Variants in ATP2B1 observed in about 807,000 individuals in gnomAD.
The protein encoded by ATP2B1 is ATPase plasma membrane Ca2+ transporting 1, also known as plasma membrane calcium-transporting ATPase 1.
In ATP2B1, 14 loss-of-function variants were observed where a neutral mutation model predicts 124.2. The observed-to-expected ratio is 0.11, with a 90% CI of 0.07 to 0.18. The LOEUF (loss-of-function observed/expected upper bound fraction) is 0.18, where lower values mean the gene tolerates loss of function less well. ATP2B1 is among the 10% of genes least tolerant of loss of function. ATP2B1 has a pLI of 1.00. For missense variants in ATP2B1, 763 were observed against 1,466.1 expected, an observed-to-expected ratio of 0.52 and a Z score of 7.83; for synonymous variants, 449 against 492.4, an observed-to-expected ratio of 0.91 and a Z score of 1.17.
At chr12:89,611,090 C>T (rs1297603329) in intron 13 of ATP2B1, 103 bp downstream of exon 13, 1 of 1,051,500 alleles carries the variant, frequency 9.5e-7, no homozygotes, top group African/African-American at 1.6e-5. Flanking sequence ...TTATTTCATG[C>T]ATGGTGCCTA....
intron 1 of ATP2B1, among the ~76,000 whole-genome samples, chr12:89,683,641 C>G (rs1192703349): frequency 6.6e-6 from 1 of 152,170 alleles, no homozygotes; most frequent in Non-Finnish European, 1.5e-5. Flanking sequence ...AAGTTCCAGA[C>G]AGTGTAGAGG....
intron 2 of ATP2B1, among the ~76,000 whole-genome samples, 177 bp from the exon 3 acceptor site, chr12:89,642,532 C>A (rs547584477): frequency 6.6e-6 from 1 of 152,274 alleles, no homozygotes; most frequent in East Asian, 1.9e-4. Context: ...TAAAAGAACA[C>A]TTTAAGTAGA....
chr12:89,707,531 C>G (rs1440003661), intron 1 of ATP2B1, among the ~76,000 whole-genome samples: 2 of 152,138 alleles, frequency 1.3e-5, no homozygotes, highest in African/African-American at 2.4e-5. Flanking sequence ...TATTAATAAA[C>G]CAAGAAAAGT....
intron 1 of ATP2B1, among the ~76,000 whole-genome samples, chr12:89,703,097 A>C (rs891273823): frequency 6.6e-6 from 1 of 152,218 alleles, no homozygotes; most frequent in Non-Finnish European, 1.5e-5. Context: ...GGTTCCCAAC[A>C]GTCTTGAGAT....
chr12:89,642,339 A>G lies in ATP2B1; in HGVS notation c.225T>C (p.Pro75=), dbSNP rs778289594. 5.6e-6 allele frequency: 9 copies of G among 1,612,898 alleles called. No homozygotes were observed. Among genetic ancestry groups the G allele is most frequent in the Non-Finnish European group, 7.6e-6 (9 of 1,179,786 alleles). ...TSPNEGLSGN[P]ADLERREAVF... is the part of the protein sequence containing the mutation. ...CTGCTTCTCTTCTTTCTAAATCTGC[A>G]GGGTTTCCACTTAAACCTAATAAAA... is the stretch of plus-strand genomic sequence containing the variant. Residue 75 remains proline (P), a synonymous_variant, in exon 3 of 21, where the codon CCT becomes CCC. Coordinates refer to ENST00000428670, the MANE Select transcript of ATP2B1 (RefSeq NM_001366521.1).
At chr12:89,642,915 AT>A (rs1383053948) in intron 2 of ATP2B1, among the ~76,000 whole-genome samples, 4 of 151,924 alleles carry the variant, frequency 2.6e-5, no homozygotes, top group Non-Finnish European at 5.9e-5. Flanking sequence ...AGAACTGCTT[AT>A]TTCTGATCGT....
chr12:89,598,021 A>C (rs1874993255), intron 20 of ATP2B1, among the ~76,000 whole-genome samples: 2 of 124,916 alleles, frequency 1.6e-5, no homozygotes. Flanking sequence ...TTTCCCCTGA[A>C]ACCACTGCAC....
At chr12:89,694,925 C>T (rs1331501998) in intron 1 of ATP2B1, among the ~76,000 whole-genome samples, 1 of 151,890 alleles carries the variant, frequency 6.6e-6, no homozygotes, top group Non-Finnish European at 1.5e-5. Flanking sequence ...AGCATGGTGG[C>T]ACATGCCTAT....
At chr12:89,667,650 C>G (rs1887471220) in intron 1 of ATP2B1, among the ~76,000 whole-genome samples, 1 of 152,152 alleles carries the variant, frequency 6.6e-6, no homozygotes, top group South Asian at 2.1e-4. Context: ...GCTCTGTCTT[C>G]AAGGAGTTTA....
intron 2 of ATP2B1, among the ~76,000 whole-genome samples, chr12:89,644,407 C>T (rs1055368866): frequency 2.0e-5 from 3 of 151,658 alleles, no homozygotes; most frequent in Non-Finnish European, 4.4e-5. Context: ...GAACATATAG[C>T]TTTAAAGTAA....
At chr12:89,704,320 C>A (rs1398074938) in intron 1 of ATP2B1, among the ~76,000 whole-genome samples, 1 of 152,108 alleles carries the variant, frequency 6.6e-6, no homozygotes, top group Non-Finnish European at 1.5e-5. Context: ...CAGATACGTT[C>A]ACATTCACTC....
chr12:89,658,869 A>T (rs962676894), intron 1 of ATP2B1, among the ~76,000 whole-genome samples: 2 of 152,216 alleles, frequency 1.3e-5, no homozygotes, highest in Non-Finnish European at 2.9e-5. Flanking sequence ...AAGAAAAGGA[A>T]GCCCAGACAA....
chr12:89,674,656 G>A (rs1888402776), intron 1 of ATP2B1, among the ~76,000 whole-genome samples: 1 of 152,276 alleles, frequency 6.6e-6, no homozygotes, highest in South Asian at 2.1e-4. Context: ...TATGAGACTG[G>A]TATTAATCAG....
At chr12:89,626,750 T>C (rs1006855819) in intron 7 of ATP2B1, 135 bp from the exon 8 acceptor site, 3 of 984,330 alleles carry the variant, frequency 3.0e-6, no homozygotes, top group Middle Eastern at 4.4e-4. Flanking sequence ...TGAGTGTGTG[T>C]GTGTGTCTAC....
intron 12 of ATP2B1, chr12:89,611,729 T>C (rs2139554): frequency 0.96 from 170,012 of 177,502 alleles, 81,456 homozygotes; most frequent in East Asian, 0.99. Flanking sequence ...CCAGATTACA[T>C]GAGTAAAATG....
intron 20 of ATP2B1, among the ~76,000 whole-genome samples, chr12:89,591,625 C>T (rs1873587145): frequency 6.6e-6 from 1 of 151,910 alleles, no homozygotes; most frequent in African/African-American, 2.4e-5. Context: ...AAAAACTTAA[C>T]CATACACAAG....
intron 20 of ATP2B1, among the ~76,000 whole-genome samples, chr12:89,598,332 A>G (rs1875098869): frequency 6.6e-6 from 1 of 152,190 alleles, no homozygotes; most frequent in Non-Finnish European, 1.5e-5. Flanking sequence ...TTTATTCCCC[A>G]TATTAACTAT....
At chr12:89,691,412 C>T (rs1417759555) in intron 1 of ATP2B1, among the ~76,000 whole-genome samples, 1 of 152,106 alleles carries the variant, frequency 6.6e-6, no homozygotes. Context: ...AAACTCTTCT[C>T]CATGTCAAAA....
At chr12:89,636,969 C>T (rs1882811152) in intron 3 of ATP2B1, among the ~76,000 whole-genome samples, 1 of 152,138 alleles carries the variant, frequency 6.6e-6, no homozygotes, top group Non-Finnish European at 1.5e-5. Flanking sequence ...CGCTCCATTC[C>T]TCCCTCTAGC....
Sources: gnomAD v4.1 joint callset for allele counts (sites outside exome capture counted in the v4.1 genomes callset) on GRCh38, gnomAD v4.1.1 for gene constraint, MANE v1.5 for transcripts, NCBI Gene and HGNC (gene_info 2026-07-23, HGNC 2026-07-21) for gene names.